ZNG1E: variants seen among roughly 807,000 people sequenced by gnomAD.
ZNG1E encodes zinc-regulated GTPase metalloprotein activator 1E.
At chr9:65,680,134 G>T in the ZNG1E span, among the ~76,000 whole-genome samples, 1 of 150,184 alleles carries the variant, frequency 6.7e-6, no homozygotes. Context: ...ATCTTTATAG[G>T]AGTTTTTCTT....
chr9:65,685,043 T>TTAAA, the ZNG1E span, among the ~76,000 whole-genome samples: 46 of 107,714 alleles, frequency 4.3e-4, no homozygotes, highest in East Asian at 1.9e-3. Flanking sequence ...CCCCATTTCT[T>TTAAA]AAAAAAAAAA....
At chr9:65,712,617 G>A in the ZNG1E span, among the ~76,000 whole-genome samples, 687 of 79,308 alleles carry the variant, frequency 8.7e-3, no homozygotes, top group African/African-American at 0.033. Flanking sequence ...TATGTACCCA[G>A]TAGTCATTCA....
the ZNG1E span, among the ~76,000 whole-genome samples, chr9:65,673,779 T>A: frequency 2.0e-5 from 3 of 152,298 alleles, no homozygotes; most frequent in Non-Finnish European, 4.4e-5. Flanking sequence ...CAATCCCTGC[T>A]GGGCGACAGA....
chr9:65,693,595 T>C, the ZNG1E span: 1 of 814,920 alleles, frequency 1.2e-6, no homozygotes, highest in Non-Finnish European at 1.7e-6. Context: ...TCTCACTCTG[T>C]TGCCCAGGCT....
the ZNG1E span, among the ~76,000 whole-genome samples, chr9:65,669,632 T>A: frequency 6.8e-6 from 1 of 147,534 alleles, no homozygotes; most frequent in Non-Finnish European, 1.5e-5. Flanking sequence ...TTTCTTTTTT[T>A]TTTAAATTTC....
the ZNG1E span, among the ~76,000 whole-genome samples, chr9:65,676,869 G>A: frequency 2.7e-5 from 4 of 146,496 alleles, no homozygotes; most frequent in African/African-American, 1.0e-4. Context: ...TAAATAGAAG[G>A]GCTAGAACAA....
At chr9:65,707,211 T>C in the ZNG1E span, 1 of 134,948 alleles carries the variant, frequency 7.4e-6, no homozygotes, top group Non-Finnish European at 1.6e-5. Flanking sequence ...TTTCGCCACA[T>C]TGGCTAGGTT....
the ZNG1E span, among the ~76,000 whole-genome samples, chr9:65,729,192 A>G: frequency 1.6e-3 from 15 of 9,648 alleles, no homozygotes; most frequent in Admixed American, 7.1e-3. Flanking sequence ...CACATGGACC[A>G]ATGGAACAGA....
At chr9:65,709,912 C>A in the ZNG1E span, among the ~76,000 whole-genome samples, 21 of 151,724 alleles carry the variant, frequency 1.4e-4, no homozygotes, top group Non-Finnish European at 2.2e-4. Context: ...AGTTCTAGAT[C>A]CCTGAGGAAT....
At chr9:65,704,261 AGTTT>A in the ZNG1E span, 1 of 11,740 alleles carries the variant, frequency 8.5e-5, no homozygotes, top group Non-Finnish European at 1.1e-4. Flanking sequence ...TGTCTTGATT[AGTTT>A]ATTATGTAAC....
chr9:65,685,228 A>G, the ZNG1E span, among the ~76,000 whole-genome samples: 1 of 152,274 alleles, frequency 6.6e-6, no homozygotes, highest in Non-Finnish European at 1.5e-5. Flanking sequence ...TCTTGTCACA[A>G]TGTTGATGGG....
chr9:65,664,065 C>A, the ZNG1E span, among the ~76,000 whole-genome samples: 208 of 152,290 alleles, frequency 1.4e-3, no homozygotes, highest in Non-Finnish European at 2.3e-3. Flanking sequence ...TGGAATCATA[C>A]TGCATACTTA....
At chr9:65,663,176 T>C in the ZNG1E span, among the ~76,000 whole-genome samples, 1 of 152,274 alleles carries the variant, frequency 6.6e-6, no homozygotes, top group African/African-American at 2.4e-5. Context: ...GAAGAACAAG[T>C]AGCTCCTCAG....
chr9:65,691,658 T>C, the ZNG1E span, among the ~76,000 whole-genome samples: 347 of 152,168 alleles, frequency 2.3e-3, no homozygotes, highest in South Asian at 0.019. Flanking sequence ...TGTTAGAGCC[T>C]TTTATTTTTA....
the ZNG1E span, among the ~76,000 whole-genome samples, chr9:65,659,237 C>G: frequency 1.4e-4 from 21 of 152,028 alleles, no homozygotes; most frequent in Non-Finnish European, 2.1e-4. Flanking sequence ...GTGGCTCACG[C>G]CTGTAATCCC....
the ZNG1E span, chr9:65,732,949 T>G: frequency 6.2e-7 from 1 of 1,608,404 alleles, no homozygotes; most frequent in Non-Finnish European, 8.5e-7. Flanking sequence ...CTTTTAAGTT[T>G]GAACTGAGGC....
the ZNG1E span, among the ~76,000 whole-genome samples, chr9:65,681,027 A>G: frequency 6.6e-6 from 1 of 152,148 alleles, no homozygotes; most frequent in East Asian, 1.9e-4. Flanking sequence ...TGACCTCGTG[A>G]TCCGCCCGCC....
chr9:65,719,807 C>A, the ZNG1E span: 6 of 531,328 alleles, frequency 1.1e-5, no homozygotes, highest in South Asian at 1.0e-4. Context: ...TAGTTTTTCT[C>A]TTTATTCTGT....
the ZNG1E span, among the ~76,000 whole-genome samples, chr9:65,664,150 A>G: frequency 6.6e-6 from 1 of 152,054 alleles, no homozygotes; most frequent in Non-Finnish European, 1.5e-5. Context: ...AAAAATACAT[A>G]TTTACATATG....
Sources: gnomAD v4.1 joint callset for allele counts (sites outside exome capture counted in the v4.1 genomes callset) on GRCh38, gnomAD v4.1.1 for gene constraint, MANE v1.5 for transcripts, NCBI Gene and HGNC (gene_info 2026-07-23, HGNC 2026-07-21) for gene names.